The following HHLA1 variants were observed in gnomAD, a reference collection of about 807,000 sequenced individuals.
HHLA1 encodes HERV-H LTR-associating protein 1.
In HHLA1, 72 loss-of-function variants were observed where a neutral mutation model predicts 69.9. The observed-to-expected ratio is 1.03, with a 90% CI of 0.85 to 1.25. The LOEUF (loss-of-function observed/expected upper bound fraction) is 1.25, where lower values mean the gene tolerates loss of function less well. HHLA1 is among the 50% of genes most tolerant of loss of function. The probability of loss-of-function intolerance (pLI) is 0.00; values close to 1 mark genes in which losing one functional copy is unlikely to be tolerated. For missense variants in HHLA1, 685 were observed against 642.2 expected (o/e 1.07, Z -0.72); for synonymous variants, 252 against 233.2 (o/e 1.08, Z -0.73).
Position 132,092,334 on chromosome 8 carries a change from T to C in HHLA1, c.449-2735A>G, listed in dbSNP as rs1050679595. ...GGAAATAGGATGTAAGAGGGAGAAA[T>C]GTGAATGGTTTCCAGGCTGTGAGTT... On this transcript the variant is annotated intron_variant, in intron 7 of 16. Transcript: ENST00000414222. Among the ~76,000 whole-genome samples, 17 of 152,184 alleles carry C rather than the reference T, an allele frequency of 1.1e-4. No individual in the cohort carries two copies. The South Asian group carries it at 1.5e-3, about 13-fold the overall frequency.
At position 132,087,920 on chromosome 8, in the gene HHLA1, T is replaced by C. The variant is rs1273561698; in HGVS notation, c.533-19A>G. The C allele has an allele frequency of 4.5e-6, 7 of 1,540,570 alleles. No homozygotes were observed. The highest frequency in any genetic ancestry group is 1.8e-6 in the Non-Finnish European group (2 of 1,136,890). ...TGATTCACTGTAAGACAAACGAGTA[T>C]ACAATAAGACTTAGCCATGGGTCTG... On this transcript the variant is annotated intron_variant, in intron 8 of 16. Coordinates refer to ENST00000414222, the MANE Select transcript of HHLA1 (RefSeq NM_001145095.3).
At chr8:132,085,563 C>T (rs562193830) in intron 10 of HHLA1, 11 of 258,358 alleles carry the variant, frequency 4.3e-5, no homozygotes, top group African/African-American at 7.0e-5. Context: ...CATGCGCGTC[C>T]GTGTGAAGAG....
chr8:132,090,747 T>TTCTC (rs1259515877), intron 7 of HHLA1, among the ~76,000 whole-genome samples: 2 of 112,810 alleles, frequency 1.8e-5, no homozygotes, highest in African/African-American at 6.3e-5. Context: ...GGCACCCTCT[T>TTCTC]TCTCTCTCTT....
chr8:132,072,535 C>G (rs1823564698), intron 14 of HHLA1, among the ~76,000 whole-genome samples: 1 of 152,142 alleles, frequency 6.6e-6, no homozygotes. Flanking sequence ...GGGCCTTCCT[C>G]TCACAGAGCT....
chr8:132,091,150 AT>A (rs1823940536), intron 7 of HHLA1, among the ~76,000 whole-genome samples: 1 of 152,160 alleles, frequency 6.6e-6, no homozygotes, highest in Admixed American at 6.5e-5. Context: ...CATTTATCTA[AT>A]AAATATTCAT....
chr8:132,082,742 T>C (rs1034640030), intron 10 of HHLA1, among the ~76,000 whole-genome samples: 1 of 151,810 alleles, frequency 6.6e-6, no homozygotes, highest in Non-Finnish European at 1.5e-5. Context: ...GAATAGTGAG[T>C]TGTGGAGGAA....
chr8:132,087,819 T>C (rs1823888142), intron 9 of HHLA1, 26 bp downstream of exon 9: 3 of 1,548,654 alleles, frequency 1.9e-6, no homozygotes, highest in African/African-American at 1.4e-5. Context: ...CCCAGAGAGC[T>C]TGTCAAAGAA....
rs1370222811 is a variant in HHLA1 at position 132,079,819 on chromosome 8, G to A, written c.824C>T (p.Pro275Leu). The stretch of plus-strand genomic sequence containing the variant: ...GTTCAGGGTCTCCTCTGTTTCTGAA[G>A]GAGCAGCTGTCTCTGTCCAGGGAGA... ...RSSPWTETAAPSETEETLNTG... is the reference protein window; with the variant it reads ...RSSPWTETAALSETEETLNTG... The change falls in exon 11 of 17, where the codon CCT (proline) becomes CTT (leucine). Residue 275 changes from proline (P) to leucine (L), a missense_variant. Coordinates refer to ENST00000414222, the MANE Select transcript of HHLA1 (RefSeq NM_001145095.3). 8 of 1,551,662 alleles carry A rather than the reference G, an allele frequency of 5.2e-6. No homozygotes were observed. Among genetic ancestry groups the A allele is most frequent in the African/African-American group, 1.4e-5 (1 of 73,044 alleles).
At chr8:132,070,269 G>C in intron 15 of HHLA1, 1 of 699,158 alleles carries the variant, frequency 1.4e-6, no homozygotes. Context: ...AGCATTGTAG[G>C]ACAGAAAATG....
intron 10 of HHLA1, among the ~76,000 whole-genome samples, chr8:132,082,055 A>G (rs947140146): frequency 6.6e-6 from 1 of 152,158 alleles, no homozygotes; most frequent in African/African-American, 2.4e-5. Flanking sequence ...TGTCAGGTGG[A>G]TCAGAGAGAT....
chr8:132,097,815 A>C (rs1824048459), intron 5 of HHLA1, among the ~76,000 whole-genome samples: 1 of 152,178 alleles, frequency 6.6e-6, no homozygotes, highest in South Asian at 2.1e-4. Context: ...TGGGACAGGG[A>C]TGGATAATAA....
rs1176901836 is a variant in HHLA1 at position 132,079,804 on chromosome 8, T to C, written c.839A>G (p.Glu280Gly). The C allele has an allele frequency of 1.9e-6, 3 of 1,551,728 alleles. No individual in the cohort carries two copies. The highest frequency in any genetic ancestry group is 3.9e-5 in the Admixed American group (2 of 51,006). ...TETAAPSETE[E>G]TLNTGRPPEL... is the part of the protein sequence containing the mutation. ...AGGAGGCCTGCCTGTGTTCAGGGTC[T>C]CCTCTGTTTCTGAAGGAGCAGCTGT... Residue 280 changes from glutamate (E) to glycine (G), a missense_variant, in exon 11 of 17, where the codon GAG becomes GGG. Physicochemically the swap from Glu to Gly is moderately conservative, Grantham distance 98. Transcript: ENST00000414222.
intron 8 of HHLA1, among the ~76,000 whole-genome samples, chr8:132,089,036 T>C (rs1018406549): frequency 6.6e-5 from 10 of 152,202 alleles, no homozygotes; most frequent in Non-Finnish European, 1.3e-4. Context: ...CTTTTCAAAG[T>C]GGGTCCCTAA....
At chr8:132,077,580 AGAAG>A in intron 12 of HHLA1, 142 bp downstream of exon 12, 1 of 795,828 alleles carries the variant, frequency 1.3e-6, no homozygotes, top group Non-Finnish European at 1.9e-6. Context: ...AAAGGAAAGG[AGAAG>A]GAAGAGTTTG....
At chr8:132,081,735 T>C (rs1254777547) in intron 10 of HHLA1, among the ~76,000 whole-genome samples, 1 of 152,162 alleles carries the variant, frequency 6.6e-6, no homozygotes, top group African/African-American at 2.4e-5. Flanking sequence ...GCATGTTGAG[T>C]AAAGCTAATT....
intron 7 of HHLA1, among the ~76,000 whole-genome samples, chr8:132,092,658 C>A (rs542121712): frequency 7.9e-4 from 121 of 152,294 alleles, no homozygotes; most frequent in African/African-American, 2.9e-3. Context: ...TGTAAGTTTC[C>A]TGAGGTCTCC....
At chr8:132,088,279 GACA>G (rs1443068449) in intron 8 of HHLA1, among the ~76,000 whole-genome samples, 10 of 152,168 alleles carry the variant, frequency 6.6e-5, no homozygotes, top group African/African-American at 2.4e-4. Flanking sequence ...ATCTCTGTAA[GACA>G]ACATGTTTTG....
chr8:132,074,068 T>C (rs1823594434), intron 14 of HHLA1, among the ~76,000 whole-genome samples: 1 of 152,216 alleles, frequency 6.6e-6, no homozygotes, highest in South Asian at 2.1e-4. Flanking sequence ...CAAAGTACTG[T>C]TAATCTCACT....
chr8:132,087,655 A>G lies in HHLA1; in HGVS notation c.674T>C (p.Leu225Pro), dbSNP rs1432696749. 6.5e-7 allele frequency: 1 copy of G among 1,548,502 alleles called. No homozygotes were observed. The highest frequency in any genetic ancestry group is 8.7e-7 in the Non-Finnish European group (1 of 1,144,076). Residue 225 changes from leucine (L) to proline (P), a missense_variant and splice_region_variant, in exon 10 of 17, where the codon CTG (leucine) becomes CCG (proline). Leu to Pro is a moderately conservative substitution (Grantham distance 98, BLOSUM62 -3). Transcript: ENST00000414222. ...YTFTSGLSGV[L>P]GAATRGTART... is the part of the protein sequence containing the mutation. The stretch of plus-strand genomic sequence containing the variant: ...GAGTTTGGGAGGTTGGTACTCACCC[A>G]GAACACCAGACAAGCCGCTGGTAAA...
Sources: gnomAD v4.1 joint callset for allele counts (sites outside exome capture counted in the v4.1 genomes callset) on GRCh38, gnomAD v4.1.1 for gene constraint, MANE v1.5 for transcripts, NCBI Gene and HGNC (gene_info 2026-07-23, HGNC 2026-07-21) for gene names.